ZPLD1: variants seen among roughly 807,000 people sequenced by gnomAD.
The protein encoded by ZPLD1 is zona pellucida-like domain-containing protein 1.
Under a neutral mutation model 47.2 loss-of-function variants are expected in ZPLD1, and 34 were observed. The ratio of observed to expected loss-of-function variants is 0.72; its 90% confidence interval spans 0.55 to 0.96. The LOEUF is 0.96. Among genes scored for constraint, ZPLD1 ranks in the 40% least tolerant of loss-of-function variants. The pLI, the probability that ZPLD1 is intolerant of heterozygous loss-of-function variation, is 0.00. For missense variants in ZPLD1, 512 were observed against 505.8 expected, an observed-to-expected ratio of 1.01 and a Z score of -0.12; for synonymous variants, 176 against 186.2, an observed-to-expected ratio of 0.95 and a Z score of 0.45.
intron 6 of ZPLD1, among the ~76,000 whole-genome samples, chr3:102,390,081 C>T (rs766984561): frequency 6.6e-6 from 1 of 152,122 alleles, no homozygotes; most frequent in Non-Finnish European, 1.5e-5. Flanking sequence ...GTGAGTTTAT[C>T]AGAGTTAATA....
intron 7 of ZPLD1, among the ~76,000 whole-genome samples, chr3:102,410,846 G>C (rs530266317): frequency 1.3e-5 from 2 of 151,832 alleles, no homozygotes; most frequent in Non-Finnish European, 2.9e-5. Context: ...TTCACAGAGA[G>C]GGTAGGGAGA....
At chr3:102,418,865 G>A (rs1706842562) in intron 8 of ZPLD1, among the ~76,000 whole-genome samples, 1 of 152,034 alleles carries the variant, frequency 6.6e-6, no homozygotes, top group Admixed American at 6.6e-5. Context: ...CCTGGGAGAA[G>A]TTATCTGTGA....
intron 6 of ZPLD1, among the ~76,000 whole-genome samples, chr3:102,389,752 T>C (rs546473185): frequency 1.3e-5 from 2 of 152,290 alleles, no homozygotes; most frequent in African/African-American, 4.8e-5. Context: ...ATATATAACC[T>C]GAGGATCCGA....
chr3:102,452,293 G>A (rs558526377), intron 3 of ZPLD1, among the ~76,000 whole-genome samples: 1 of 150,242 alleles, frequency 6.7e-6, no homozygotes, highest in Non-Finnish European at 1.5e-5. Context: ...CATAGTCATT[G>A]GCAAAATTTT....
intron 3 of ZPLD1, among the ~76,000 whole-genome samples, chr3:102,451,351 G>A (rs1707334255): frequency 6.6e-6 from 1 of 152,110 alleles, no homozygotes; most frequent in African/African-American, 2.4e-5. Flanking sequence ...AAAAATATGT[G>A]TTATTTTGTT....
chr3:102,393,714 TA>T (rs1240595007), intron 7 of ZPLD1, among the ~76,000 whole-genome samples: 3 of 152,124 alleles, frequency 2.0e-5, no homozygotes, highest in Non-Finnish European at 2.9e-5. Flanking sequence ...GTAAAAATTT[TA>T]TTAGAAATAT....
At chr3:102,393,270 A>G (rs769303812) in intron 7 of ZPLD1, among the ~76,000 whole-genome samples, 4 of 152,164 alleles carry the variant, frequency 2.6e-5, no homozygotes, top group Non-Finnish European at 1.5e-5. Context: ...GCCCAGAAGT[A>G]TATTAAGCGC....
At chr3:102,466,736 A>G (rs1386364844) in intron 8 of ZPLD1, among the ~76,000 whole-genome samples, 1 of 152,046 alleles carries the variant, frequency 6.6e-6, no homozygotes, top group African/African-American at 2.4e-5. Flanking sequence ...AGTGTGGGAC[A>G]TGAAAGATAA....
intron 10 of ZPLD1, among the ~76,000 whole-genome samples, chr3:102,475,397 T>C (rs1707744825): frequency 6.6e-6 from 1 of 152,176 alleles, no homozygotes; most frequent in Non-Finnish European, 1.5e-5. Flanking sequence ...TCTTGTCTTA[T>C]TTGAAACACT....
Position 102,469,013 on chromosome 3 carries a change from C to A in ZPLD1, c.811C>A (p.Arg271=), listed in dbSNP as rs147459423. Residue 271 remains arginine, a synonymous_variant, in exon 9 of 12, where the codon CGG becomes AGG. Coordinates refer to ENST00000466937, the MANE Select transcript of ZPLD1 (RefSeq NM_001329788.2). ...TTVIENGRSQ[R]GRFSFEVFRF... ...CGTCATTGAGAATGGCCGAAGCCAG[C>A]GGGGCCGGTTTTCTTTTGAAGTGTT... The A allele has an allele frequency of 2.5e-5, 40 of 1,613,806 alleles. No individual in the cohort carries two copies. The highest frequency in any genetic ancestry group is 3.2e-5 in the Non-Finnish European group (38 of 1,179,918).
chr3:102,432,113 CTG>C (rs1707022768), upstream of ZPLD1, among the ~76,000 whole-genome samples: 1 of 152,168 alleles, frequency 6.6e-6, no homozygotes, highest in Non-Finnish European at 1.5e-5. Context: ...ACTTTGATCT[CTG>C]TTAAAATACA....
intron 6 of ZPLD1, among the ~76,000 whole-genome samples, chr3:102,387,592 G>A (rs1483236193): frequency 6.6e-6 from 1 of 152,090 alleles, no homozygotes; most frequent in Non-Finnish European, 1.5e-5. Flanking sequence ...TCTAGGTTAA[G>A]AATCATTTTC....
chr3:102,477,769 T>G lies in ZPLD1; in HGVS notation c.*151T>G. 2 of 696,922 alleles carry G rather than the reference T, an allele frequency of 2.9e-6. No individual in the cohort carries two copies. Among genetic ancestry groups the G allele is most frequent in the Non-Finnish European group, 4.3e-6 (2 of 462,634 alleles). 43.2% of individuals were successfully genotyped at this position (696,922 alleles called of 1,614,324 possible). On this transcript the variant is annotated 3_prime_UTR_variant, in exon 12 of 12. Transcript: ENST00000466937. ...GTATAGCTTGTCAGCATAATGATAG[T>G]GAAAGAAGTTTATTATATTGCTATT...
intron 7 of ZPLD1, among the ~76,000 whole-genome samples, chr3:102,416,518 A>G (rs1706806459): frequency 6.6e-6 from 1 of 151,976 alleles, no homozygotes; most frequent in Non-Finnish European, 1.5e-5. Context: ...TTGATGCTTC[A>G]TTATAGAGTA....
At chr3:102,426,518 CA>C (rs34182101) in intron 8 of ZPLD1, among the ~76,000 whole-genome samples, 4,761 of 107,608 alleles carry the variant, frequency 0.044, 169 homozygotes, top group African/African-American at 0.13. Context: ...AACTCCATCT[CA>C]AAAAAAAAAA....
rs994291383 is a variant in ZPLD1 at position 102,456,891 on chromosome 3, T to A, written c.509+517T>A. 4.3e-4 allele frequency among the ~76,000 whole-genome samples: 66 copies of A among 152,222 alleles called. 3 individuals carry two copies. The highest frequency in any genetic ancestry group is 1.5e-5 in the Non-Finnish European group (1 of 68,040). On this transcript the variant is annotated intron_variant, in intron 5 of 11. Transcript: ENST00000466937. ...TGTCACCTGGAAGGGTGCTCATGAT[T>A]CTCCCAGAAACATGGCATGGCCTTT...
intron 10 of ZPLD1, 32 bp downstream of exon 10, chr3:102,470,534 T>G: frequency 6.3e-7 from 1 of 1,575,828 alleles, no homozygotes. Flanking sequence ...TATGTAGTAA[T>G]AGACGGTTCC....
At chr3:102,417,186 G>T (rs760751412) in intron 7 of ZPLD1, among the ~76,000 whole-genome samples, 1 of 151,888 alleles carries the variant, frequency 6.6e-6, no homozygotes, top group South Asian at 2.1e-4. Context: ...TACCGTTAGC[G>T]CAATGTGCTT....
chr3:102,431,560 C>T (rs1025896497), upstream of ZPLD1, among the ~76,000 whole-genome samples: 2 of 151,964 alleles, frequency 1.3e-5, no homozygotes, highest in African/African-American at 4.8e-5. Flanking sequence ...GTCTAGACAC[C>T]CCATCAGAGA....
Sources: allele counts gnomAD v4.1 joint callset (sites outside exome capture counted in the v4.1 genomes callset), GRCh38; gene constraint gnomAD v4.1.1; transcripts MANE v1.5; gene names NCBI Gene and HGNC (gene_info 2026-07-23, HGNC 2026-07-21).